PTCHD4: variants seen among roughly 807,000 people sequenced by gnomAD.
The protein encoded by PTCHD4 is patched domain containing 4.
PTCHD4 carries 33 observed loss-of-function variants against 58.1 expected under a neutral mutation model. The observed-to-expected ratio is 0.57, with a 90% CI of 0.43 to 0.76. PTCHD4 has a LOEUF of 0.76. Ranked by LOEUF, PTCHD4 falls within the 30% of genes least tolerant of loss-of-function variation. The pLI is 0.00. For synonymous variants in PTCHD4, 478 were observed against 409.6 expected, an observed-to-expected ratio of 1.17 and a Z score of -2.02; for missense variants, 1,058 against 1,027.1, an observed-to-expected ratio of 1.03 and a Z score of -0.41.
chr6:47,967,340 G>T (rs1054540203), intron 4 of PTCHD4, among the ~76,000 whole-genome samples: 1 of 152,216 alleles, frequency 6.6e-6, no homozygotes, highest in Admixed American at 6.5e-5. Flanking sequence ...GTCATAAACA[G>T]ATATGCTGTT....
At chr6:47,929,761 C>T (rs1020862394) in intron 4 of PTCHD4, among the ~76,000 whole-genome samples, 7 of 152,202 alleles carry the variant, frequency 4.6e-5, no homozygotes, top group African/African-American at 1.4e-4. Flanking sequence ...GTCTGTGTGC[C>T]AACACAAGCC....
intron 4 of PTCHD4, among the ~76,000 whole-genome samples, chr6:47,921,945 T>TAA (rs544513150): frequency 0.078 from 9,083 of 116,780 alleles, 350 homozygotes; most frequent in African/African-American, 0.099. Context: ...ACACCTTGTC[T>TAA]AAAAAAAAAA....
rs1343084119 is a variant in PTCHD4, at chr6:47,860,235, T to C, written c.*18068A>G. Among the ~76,000 whole-genome samples, 2 of 152,020 alleles carry C rather than the reference T, an allele frequency of 1.3e-5. No homozygotes were observed. Among genetic ancestry groups the C allele is most frequent in the African/African-American group, 4.8e-5 (2 of 41,410 alleles). ...CATCTTTAAAGAGATTGCAAGCAATTTAAAGGTAGAAAACACATCATACTT... is the reference window on the plus strand; with the variant it reads ...CATCTTTAAAGAGATTGCAAGCAATCTAAAGGTAGAAAACACATCATACTT... On this transcript the variant is annotated 3_prime_UTR_variant, in exon 5 of 5. Coordinates refer to ENST00000339488, the MANE Select transcript of PTCHD4 (RefSeq NM_001384253.1).
chr6:48,052,907 T>A (rs1239322762), intron 3 of PTCHD4, among the ~76,000 whole-genome samples: 1 of 152,032 alleles, frequency 6.6e-6, no homozygotes, highest in Non-Finnish European at 1.5e-5. Context: ...AGGGAGTAAA[T>A]GATTTGTGAA....
chr6:47,952,254 T>G (rs565972412), intron 4 of PTCHD4, among the ~76,000 whole-genome samples: 3 of 151,892 alleles, frequency 2.0e-5, no homozygotes, highest in Non-Finnish European at 2.9e-5. Flanking sequence ...AAAGGAAGAA[T>G]TAATTGTCTC....
chr6:47,879,573 G>T lies in PTCHD4; in HGVS notation c.1262C>A (p.Thr421Lys). Residue 421 changes from threonine to lysine, a missense_variant, in exon 5 of 5, where the codon ACA becomes AAA. Physicochemically the swap from Thr to Lys is moderately conservative, Grantham distance 78. Coordinates refer to ENST00000339488, the MANE Select transcript of PTCHD4 (RefSeq NM_001384253.1). ...YLDRKPVWFQTVMSDGHQQTS... is the reference protein window; with the variant it reads ...YLDRKPVWFQKVMSDGHQQTS... ...CTGTTGATGCCCATCACTCATCACT[G>T]TCTGGAACCACACAGGTTTGCGATC... The T allele has an allele frequency of 6.2e-7, 1 of 1,613,772 alleles. No individual in the cohort carries two copies. The highest frequency in any genetic ancestry group is 8.5e-7 in the Non-Finnish European group (1 of 1,179,778).
intron 1 of PTCHD4, among the ~76,000 whole-genome samples, chr6:48,103,299 A>G (rs1765647953): frequency 6.6e-6 from 1 of 152,174 alleles, no homozygotes; most frequent in Non-Finnish European, 1.5e-5. Context: ...GTTCACCAAT[A>G]TCCGCTGTTC....
intron 3 of PTCHD4, among the ~76,000 whole-genome samples, chr6:48,018,833 G>T (rs1426930704): frequency 1.3e-5 from 2 of 152,180 alleles, no homozygotes; most frequent in Non-Finnish European, 2.9e-5. Flanking sequence ...CTACATAAGA[G>T]AAGTTGGCCA....
rs1763941837 is a variant in PTCHD4 at position 47,879,207 on chromosome 6, G to A, written c.1628C>T (p.Thr543Ile). The change falls in exon 5 of 5, where the codon ACT (threonine) becomes ATT (isoleucine). Residue 543 changes from threonine (T) to isoleucine (I), a missense_variant. Thr to Ile is a moderately conservative substitution (Grantham distance 89). Coordinates refer to ENST00000339488, the MANE Select transcript of PTCHD4 (RefSeq NM_001384253.1). ...GTACTGCTCCACCCAGGACACTGCAGTGAATCCACTACAGAGTCTTCTTAG... is the reference window on the plus strand; with the variant it reads ...GTACTGCTCCACCCAGGACACTGCAATGAATCCACTACAGAGTCTTCTTAG... Reference protein sequence around the residue: ...DDLRRLCSGFTAVSWVEQYYQ... With the variant: ...DDLRRLCSGFIAVSWVEQYYQ... 2.5e-6 allele frequency: 4 copies of A among 1,612,952 alleles called. No individual in the cohort carries two copies. Among genetic ancestry groups the A allele is most frequent in the South Asian group, 2.2e-5 (2 of 91,060 alleles).
intron 4 of PTCHD4, among the ~76,000 whole-genome samples, chr6:47,981,567 A>G (rs1036806862): frequency 1.6e-4 from 24 of 152,018 alleles, no homozygotes; most frequent in African/African-American, 5.8e-4. Context: ...CTTTTGGTAG[A>G]ATTTTATCAG....
intron 4 of PTCHD4, among the ~76,000 whole-genome samples, chr6:47,995,311 C>G (rs190823333): frequency 6.6e-6 from 1 of 152,084 alleles, no homozygotes; most frequent in African/African-American, 2.4e-5. Context: ...TTCCAGGGAG[C>G]AATGGGACAG....
At chr6:48,022,185 T>C (rs1456986373) in intron 3 of PTCHD4, among the ~76,000 whole-genome samples, 1 of 151,628 alleles carries the variant, frequency 6.6e-6, no homozygotes, top group Non-Finnish European at 1.5e-5. Flanking sequence ...TCTCCTCTTC[T>C]TTCCCCTCTC....
At chr6:48,045,031 C>CTCCAGACCTTTTT (rs1193411199) in intron 3 of PTCHD4, among the ~76,000 whole-genome samples, 2 of 151,790 alleles carry the variant, frequency 1.3e-5, no homozygotes, top group African/African-American at 4.8e-5. Flanking sequence ...CCACCTATGC[C>CTCCAGACCTTTTT]TCCAGACCTT....
chr6:47,984,841 C>A (rs910188290), intron 4 of PTCHD4, among the ~76,000 whole-genome samples: 7 of 151,952 alleles, frequency 4.6e-5, no homozygotes, highest in African/African-American at 1.7e-4. Context: ...TATAACTTGG[C>A]TAGGAGAAAT....
chr6:47,982,461 C>A (rs111796134), intron 4 of PTCHD4, among the ~76,000 whole-genome samples: 20 of 149,588 alleles, frequency 1.3e-4, no homozygotes, highest in African/African-American at 4.7e-4. Context: ...AGGTGTCACA[C>A]TAGTCTGTTT....
At chr6:48,007,708 T>C (rs1762496664) in intron 4 of PTCHD4, among the ~76,000 whole-genome samples, 1 of 152,228 alleles carries the variant, frequency 6.6e-6, no homozygotes, top group Non-Finnish European at 1.5e-5. Flanking sequence ...ATATGAAGAC[T>C]GTCTTGCTCA....
chr6:47,892,876 C>G (rs1166669379), intron 4 of PTCHD4, among the ~76,000 whole-genome samples: 1 of 152,128 alleles, frequency 6.6e-6, no homozygotes, highest in African/African-American at 2.4e-5. Context: ...GAACAGAATG[C>G]CCTGAAGCCA....
chr6:47,985,532 T>TA (rs1316144536), intron 4 of PTCHD4, among the ~76,000 whole-genome samples: 1 of 152,126 alleles, frequency 6.6e-6, no homozygotes, highest in Non-Finnish European at 1.5e-5. Context: ...ATGATATAAC[T>TA]ATTCCTATTT....
At chr6:47,914,712 CTCTG>C (rs145537248) in intron 4 of PTCHD4, among the ~76,000 whole-genome samples, 1,031 of 77,890 alleles carry the variant, frequency 0.013, 16 homozygotes, top group African/African-American at 0.03. Flanking sequence ...CTGTCTGTCT[CTCTG>C]TCTGTCTATC....
Sources: allele counts gnomAD v4.1 joint callset (sites outside exome capture counted in the v4.1 genomes callset), GRCh38; gene constraint gnomAD v4.1.1; transcripts MANE v1.5; gene names NCBI Gene and HGNC (gene_info 2026-07-23, HGNC 2026-07-21).